Variants in PTBP3 observed in about 807,000 individuals in gnomAD.
PTBP3 encodes polypyrimidine tract binding protein 3.
Under a neutral mutation model 58.7 loss-of-function variants are expected in PTBP3, and 20 were observed. The observed-to-expected ratio is 0.34, with a 90% confidence interval of 0.24 to 0.50. The LOEUF is 0.50. Ranked by LOEUF, PTBP3 falls within the 20% of genes least tolerant of loss-of-function variation. The pLI, the probability that PTBP3 is intolerant of heterozygous loss-of-function variation, is 0.98. For synonymous variants in PTBP3, 185 were observed against 219.8 expected (o/e 0.84, Z 1.40); for missense variants, 509 against 637.2 (o/e 0.80, Z 2.17).
chr9:112,317,789 A>C (rs1416312079), intron 1 of PTBP3, among the ~76,000 whole-genome samples: 1 of 152,096 alleles, frequency 6.6e-6, no homozygotes, highest in Non-Finnish European at 1.5e-5. Flanking sequence ...TCTACTAAAA[A>C]TACAAAAATT....
In PTBP3 at chr9:112,274,007, C is replaced by T. The variant is rs74392974; in HGVS notation, c.204+1837G>A. Among the ~76,000 whole-genome samples, 223 of 152,276 alleles carry T rather than the reference C, an allele frequency of 1.5e-3. 7 individuals carry two copies. The East Asian group carries it at 0.038, about 26-fold the overall frequency. On this transcript the variant is annotated intron_variant, in intron 3 of 13. Coordinates refer to ENST00000374257, the MANE Select transcript of PTBP3 (RefSeq NM_001163788.4). ...GCTCAGCCTTTCACAGGCAATTAGC[C>T]ATTAGACATGGCCATGTGGTCTCTG...
intron 1 of PTBP3, among the ~76,000 whole-genome samples, chr9:112,304,065 G>T (rs770329058): frequency 6.6e-6 from 1 of 151,884 alleles, no homozygotes; most frequent in East Asian, 1.9e-4. Flanking sequence ...TACTCGGGAG[G>T]CTGAGGCACG....
chr9:112,324,243 G>A (rs1017867656), intron 1 of PTBP3, among the ~76,000 whole-genome samples: 4 of 152,026 alleles, frequency 2.6e-5, no homozygotes, highest in South Asian at 2.1e-4. Flanking sequence ...ATGGACCTGC[G>A]AAAAGTTTTT....
chr9:112,324,807 A>G (rs749733324), intron 1 of PTBP3, among the ~76,000 whole-genome samples: 8 of 152,198 alleles, frequency 5.3e-5, no homozygotes, highest in Non-Finnish European at 7.3e-5. Context: ...CTAGTCCACA[A>G]GAATACCTAA....
chr9:112,288,067 TAA>T (rs1282065290), intron 2 of PTBP3, among the ~76,000 whole-genome samples: 2 of 152,230 alleles, frequency 1.3e-5, no homozygotes, highest in African/African-American at 2.4e-5. Context: ...TAGAAAAACA[TAA>T]GTTACTTTCA....
intron 5 of PTBP3, among the ~76,000 whole-genome samples, chr9:112,256,591 C>T (rs1404600058): frequency 6.6e-6 from 1 of 151,910 alleles, no homozygotes; most frequent in African/African-American, 2.4e-5. Flanking sequence ...TGTGCAGTGG[C>T]GCCATCATAG....
chr9:112,261,244 T>A (rs1836581710), intron 5 of PTBP3, among the ~76,000 whole-genome samples: 1 of 152,168 alleles, frequency 6.6e-6, no homozygotes, highest in African/African-American at 2.4e-5. Flanking sequence ...AGGACATGCT[T>A]CACAAATGCA....
At chr9:112,378,608 TA>T in the PTBP3 span, among the ~76,000 whole-genome samples, 18 of 151,990 alleles carry the variant, frequency 1.2e-4, no homozygotes, top group African/African-American at 4.4e-4. Flanking sequence ...GAGAGGAGAG[TA>T]AGTTATTTTC....
At chr9:112,343,277 C>G in the PTBP3 span, among the ~76,000 whole-genome samples, 5 of 150,600 alleles carry the variant, frequency 3.3e-5, no homozygotes. Flanking sequence ...GGTGTGATCT[C>G]AGCTCACTGC....
Position 112,320,314 on chromosome 9 carries a change from A to ATATATATATATATATATAT in PTBP3, c.-52+13155_-52+13156insATATATATATATATATATA. On this transcript the variant is annotated intron_variant, in intron 1 of 13. Coordinates refer to ENST00000374257, the MANE Select transcript of PTBP3 (RefSeq NM_001163788.4). ...AAAATATATATATATATATATATAT[A>ATATATATATATATATATAT]TTTTTTTTTAAGTGTTATCACCAGA... Among the ~76,000 whole-genome samples the ATATATATATATATATATAT allele has an allele frequency of 9.3e-4, 70 of 75,666 alleles. 1 individual carries two copies. The highest frequency in any genetic ancestry group is 3.0e-3 in the African/African-American group (45 of 14,900). 49.6% of individuals were successfully genotyped at this position (75,666 alleles called of 152,430 possible). A position where few individuals can be genotyped will look rare whatever the true frequency, so the allele number is the denominator to read the frequency against.
the PTBP3 span, among the ~76,000 whole-genome samples, chr9:112,372,252 A>AT: frequency 6.6e-5 from 10 of 151,838 alleles, no homozygotes; most frequent in South Asian, 1.0e-3. Flanking sequence ...AATTAAAAGA[A>AT]TTTTTTTTGT....
chr9:112,308,027 G>C (rs1225913480), intron 1 of PTBP3, among the ~76,000 whole-genome samples: 2 of 152,192 alleles, frequency 1.3e-5, no homozygotes, highest in East Asian at 1.9e-4. Context: ...TCTTCTTCCA[G>C]TATGGCCCAG....
intron 6 of PTBP3, 179 bp downstream of exon 6, chr9:112,252,499 T>C: frequency 1.8e-6 from 1 of 568,118 alleles, no homozygotes; most frequent in Middle Eastern, 4.6e-4. Context: ...TCATATGAAG[T>C]AGTAATGATT....
At chr9:112,308,498 C>G (rs1401173899) in intron 1 of PTBP3, among the ~76,000 whole-genome samples, 1 of 151,480 alleles carries the variant, frequency 6.6e-6, no homozygotes, top group Non-Finnish European at 1.5e-5. Context: ...TATTTATATC[C>G]TAAGTGTCTC....
At chr9:112,277,218 C>G (rs561447126) in intron 2 of PTBP3, among the ~76,000 whole-genome samples, 1 of 152,136 alleles carries the variant, frequency 6.6e-6, no homozygotes, top group Non-Finnish European at 1.5e-5. Flanking sequence ...AAGCAGCATC[C>G]TCCCCAGACC....
rs147741413 is a variant in PTBP3 at position 112,260,635 on chromosome 9, A to C, written c.516+1800T>G. ...TAAGGACAGAACTAAGCAGGGGAAT[A>C]GGGAAGGGAGGTAGGGAGAGAGAGA... On this transcript the variant is annotated intron_variant, in intron 5 of 13. Transcript: ENST00000374257. Among the ~76,000 whole-genome samples, 29 of 152,324 alleles carry C rather than the reference A, an allele frequency of 1.9e-4. No homozygotes were observed. In the East Asian group the frequency reaches 5.4e-3, roughly 28 times the overall value.
intron 5 of PTBP3, among the ~76,000 whole-genome samples, chr9:112,254,361 A>C (rs910436854): frequency 6.6e-6 from 1 of 152,208 alleles, no homozygotes; most frequent in Admixed American, 6.5e-5. Context: ...AAAAAACATG[A>C]AAGAAAGAAT....
upstream of PTBP3, among the ~76,000 whole-genome samples, chr9:112,337,160 G>A (rs933294585): frequency 1.3e-5 from 2 of 152,280 alleles, no homozygotes; most frequent in East Asian, 3.9e-4. Context: ...CTCCCTGGTA[G>A]CTGGGATTAG....
chr9:112,285,909 A>G (rs1417735991), intron 2 of PTBP3, among the ~76,000 whole-genome samples: 1 of 152,208 alleles, frequency 6.6e-6, no homozygotes. Flanking sequence ...GCAGAGTGCT[A>G]TCTCTAAATA....
Sources: allele counts gnomAD v4.1 joint callset (sites outside exome capture counted in the v4.1 genomes callset), GRCh38; gene constraint gnomAD v4.1.1; transcripts MANE v1.5; gene names NCBI Gene and HGNC (gene_info 2026-07-23, HGNC 2026-07-21).